The following DNAH7 variants were observed in gnomAD, a reference collection of about 807,000 sequenced individuals.
DNAH7 encodes axonemal beta dynein heavy chain 7.
In DNAH7, 397 loss-of-function variants were observed where a neutral mutation model predicts 444.6. The observed-to-expected ratio is 0.89, with a 90% CI of 0.82 to 0.97. The LOEUF is 0.97. Among genes scored for constraint, DNAH7 ranks in the 50% least tolerant of loss-of-function variants. The pLI, the probability that DNAH7 is intolerant of heterozygous loss-of-function variation, is 0.00. For synonymous variants in DNAH7, 1,636 were observed against 1,624.4 expected, an observed-to-expected ratio of 1.01 and a Z score of -0.17; for missense variants, 4,902 against 4,800.8, an observed-to-expected ratio of 1.02 and a Z score of -0.62.
intron 5 of DNAH7, among the ~76,000 whole-genome samples, chr2:196,031,510 C>T (rs1427658101): frequency 6.6e-6 from 1 of 152,128 alleles, no homozygotes; most frequent in Admixed American, 6.5e-5. Context: ...TTTTTCCTAT[C>T]GTATCGTCAG....
intron 27 of DNAH7, 91 bp from the exon 28 acceptor site, chr2:195,900,585 T>A: frequency 8.1e-7 from 1 of 1,229,572 alleles, no homozygotes; most frequent in East Asian, 2.3e-5. Context: ...CACTAATATG[T>A]GGAGGCTAAA....
At chr2:195,882,408 TA>T (rs1488679363) in intron 35 of DNAH7, among the ~76,000 whole-genome samples, 4 of 152,248 alleles carry the variant, frequency 2.6e-5, no homozygotes, top group Non-Finnish European at 1.5e-5. Flanking sequence ...GCTTGACTTT[TA>T]TAACAGTATT....
intron 5 of DNAH7, among the ~76,000 whole-genome samples, chr2:196,045,124 AGAGGAGATGGAGGAG>A (rs1469975832): frequency 6.8e-6 from 1 of 146,442 alleles, no homozygotes; most frequent in Non-Finnish European, 1.5e-5. Flanking sequence ...AGGAGGAGGA[AGAGGAGATGGAGGAG>A]GAGGAGAAGG....
At chr2:195,846,132 G>A (rs1173320254) in intron 46 of DNAH7, among the ~76,000 whole-genome samples, 2 of 152,042 alleles carry the variant, frequency 1.3e-5, no homozygotes, top group African/African-American at 4.8e-5. Flanking sequence ...AATATATCTA[G>A]AATCCATAAG....
chr2:195,832,341 T>C (rs1303915900), intron 48 of DNAH7, among the ~76,000 whole-genome samples: 1 of 152,224 alleles, frequency 6.6e-6, no homozygotes, highest in Non-Finnish European at 1.5e-5. Context: ...TATCATTTAA[T>C]TGTCTTTTAC....
Position 195,743,516 on chromosome 2 carries a change from G to A in DNAH7, c.11765-2647C>T, listed in dbSNP as rs187427669. Among the ~76,000 whole-genome samples the A allele has an allele frequency of 1.1e-4, 17 of 152,232 alleles. No homozygotes were observed. In the East Asian group the frequency reaches 2.9e-3, roughly 26 times the overall value. ...AAGGATGACAGTGTTATGAGGCCCAGACCCTAGAAACAGGAACATAACAAA... is the reference window on the plus strand; with the variant it reads ...AAGGATGACAGTGTTATGAGGCCCAAACCCTAGAAACAGGAACATAACAAA... On this transcript the variant is annotated intron_variant, in intron 63 of 64. Transcript: ENST00000312428.
At chr2:196,031,219 C>T (rs1462594182) in intron 5 of DNAH7, among the ~76,000 whole-genome samples, 2 of 152,224 alleles carry the variant, frequency 1.3e-5, no homozygotes, top group African/African-American at 4.8e-5. Context: ...CCTCTTAAGC[C>T]ATGGCCCAAG....
chr2:195,768,287 A>G (rs1353294598), intron 61 of DNAH7, among the ~76,000 whole-genome samples: 1 of 150,246 alleles, frequency 6.7e-6, no homozygotes, highest in Non-Finnish European at 1.5e-5. Flanking sequence ...GGAAAATATA[A>G]TTTTACAGAG....
intron 56 of DNAH7, 25 bp from the exon 57 acceptor site, chr2:195,794,563 A>G: frequency 6.2e-7 from 1 of 1,607,308 alleles, no homozygotes; most frequent in Non-Finnish European, 8.5e-7. Flanking sequence ...ATCAGATACA[A>G]AAGAGTAAAT....
rs760415665 is a variant in DNAH7, at chr2:195,853,438, C to T, written c.8686G>A (p.Glu2896Lys). ...AAGTTGATGTACAGCTGACCTAGCT[C>T]CAGAGCTGTGTGGCTCCATCGAGTT... ...EKTRWSHTALELGQLYINLTG... is the reference protein window; with the variant it reads ...EKTRWSHTALKLGQLYINLTG... Residue 2896 changes from glutamate to lysine, a missense_variant, in exon 46 of 65, where the codon GAG becomes AAG. Transcript: ENST00000312428. The T allele has an allele frequency of 7.4e-6, 12 of 1,613,994 alleles. No individual in the cohort carries two copies. The South Asian group carries it at 1.3e-4, about 18-fold the overall frequency.
intron 58 of DNAH7, among the ~76,000 whole-genome samples, chr2:195,778,618 G>GGGAAAA (rs1365539221): frequency 4.6e-5 from 1 of 21,788 alleles, no homozygotes; most frequent in African/African-American, 2.0e-4. Flanking sequence ...GACCCTGTCT[G>GGGAAAA]AAAAAAAAAA....
chr2:195,951,617 C>T (rs1690263890), intron 19 of DNAH7, among the ~76,000 whole-genome samples: 1 of 152,128 alleles, frequency 6.6e-6, no homozygotes, highest in Non-Finnish European at 1.5e-5. Flanking sequence ...AATCTGGGTG[C>T]TCCTATGTTG....
chr2:195,900,132 A>C, intron 28 of DNAH7, 150 bp downstream of exon 28: 1 of 764,962 alleles, frequency 1.3e-6, no homozygotes, highest in Non-Finnish European at 2.1e-6. Flanking sequence ...AATTTTTTTC[A>C]TGTGTACAAG....
intron 35 of DNAH7, among the ~76,000 whole-genome samples, chr2:195,883,849 TA>T (rs1334700886): frequency 8.5e-4 from 129 of 152,318 alleles, no homozygotes; most frequent in Non-Finnish European, 3.4e-4. Flanking sequence ...CAATGACTTG[TA>T]TCTAAGAATA....
At chr2:195,854,696 C>A (rs1314626401) in intron 45 of DNAH7, among the ~76,000 whole-genome samples, 1 of 152,038 alleles carries the variant, frequency 6.6e-6, no homozygotes, top group Non-Finnish European at 1.5e-5. Flanking sequence ...AATTTTACCT[C>A]CAAAAGCACA....
At chr2:195,955,579 A>T (rs1021198559) in intron 19 of DNAH7, among the ~76,000 whole-genome samples, 2 of 146,982 alleles carry the variant, frequency 1.4e-5, no homozygotes, top group African/African-American at 5.2e-5. Context: ...AAATTAGGGT[A>T]AGTAATGTTT....
At position 195,950,692 on chromosome 2, in the gene DNAH7, C is replaced by T. The variant is rs182094534; in HGVS notation, c.3078+6569G>A. Among the ~76,000 whole-genome samples the T allele has an allele frequency of 1.3e-3, 198 of 151,698 alleles. 3 individuals are homozygous for T. The highest frequency in any genetic ancestry group is 3.4e-3 in the Middle Eastern group (1 of 294). ...TGAAACCCCATCTCTACTAAAAATA[C>T]AAAACCAAAATTAGCCAGGCGTGGT... is the stretch of plus-strand genomic sequence containing the variant. On this transcript the variant is annotated intron_variant, in intron 19 of 64. Coordinates refer to ENST00000312428, the MANE Select transcript of DNAH7 (RefSeq NM_018897.3).
chr2:196,030,113 A>G (rs909869358), intron 5 of DNAH7, among the ~76,000 whole-genome samples: 1 of 152,226 alleles, frequency 6.6e-6, no homozygotes, highest in African/African-American at 2.4e-5. Context: ...TTTAAAAAAG[A>G]AAGAGGTTTA....
chr2:195,976,009 G>A (rs533190214), intron 15 of DNAH7, among the ~76,000 whole-genome samples: 1 of 152,190 alleles, frequency 6.6e-6, no homozygotes, highest in African/African-American at 2.4e-5. Flanking sequence ...GCTACCAAGA[G>A]AGACTCCTTC....
Sources: allele counts gnomAD v4.1 joint callset (sites outside exome capture counted in the v4.1 genomes callset), GRCh38; gene constraint gnomAD v4.1.1; transcripts MANE v1.5; gene names NCBI Gene and HGNC (gene_info 2026-07-23, HGNC 2026-07-21).